The following BRD9 variants were observed in gnomAD, a reference collection of about 807,000 sequenced individuals.
BRD9 encodes the protein bromodomain containing 9, also known as bromodomain-containing protein 9.
Under a neutral mutation model 68.7 loss-of-function variants are expected in BRD9, and 47 were observed. The observed-to-expected ratio is 0.68, with a 90% CI of 0.54 to 0.87. The LOEUF is 0.87. Among genes scored for constraint, BRD9 ranks in the 40% least tolerant of loss-of-function variants. The pLI, the probability that BRD9 is intolerant of heterozygous loss-of-function variation, is 0.00. For synonymous variants in BRD9, 313 were observed against 293.9 expected, an observed-to-expected ratio of 1.06 and a Z score of -0.67; for missense variants, 670 against 748.4, an observed-to-expected ratio of 0.90 and a Z score of 1.22.
Position 864,585 on chromosome 5 carries a change from A to G in BRD9, c.1694-17T>C, listed in dbSNP as rs1749061733. The G allele has an allele frequency of 6.2e-7, 1 of 1,609,830 alleles. No individual in the cohort carries two copies. Among genetic ancestry groups the G allele is most frequent in the Non-Finnish European group, 8.5e-7 (1 of 1,176,656 alleles). The stretch of plus-strand genomic sequence containing the variant: ...AAGGGCTTCCTGCAATTTTCAGAAC[A>G]CAGGACTTCAACACACAGGACAGAC... On this transcript the variant is annotated splice_polypyrimidine_tract_variant and intron_variant, in intron 15 of 15. Coordinates refer to ENST00000467963, the MANE Select transcript of BRD9 (RefSeq NM_023924.5).
chr5:870,264 A>T, intron 14 of BRD9: 1 of 546,598 alleles, frequency 1.8e-6, no homozygotes. Context: ...ACCACTTCTC[A>T]TTAGCTTAAA....
At chr5:877,334 T>C (rs906744480) in intron 11 of BRD9, among the ~76,000 whole-genome samples, 5 of 152,240 alleles carry the variant, frequency 3.3e-5, no homozygotes, top group Admixed American at 6.5e-5. Context: ...TTCTGACTTA[T>C]GACCCCATCG....
At chr5:873,180 A>G (rs945403673) in intron 12 of BRD9, among the ~76,000 whole-genome samples, 2 of 152,294 alleles carry the variant, frequency 1.3e-5, no homozygotes, top group African/African-American at 4.8e-5. Context: ...AAGAAAAAAA[A>G]AGAAAGAAAG....
chr5:871,176 A>G (rs1158289519), intron 13 of BRD9, among the ~76,000 whole-genome samples: 1 of 152,196 alleles, frequency 6.6e-6, no homozygotes. Context: ...CCCTGCCAGC[A>G]CTGGCCCCAG....
Position 891,988 on chromosome 5 carries a change from C to A in BRD9, c.53-134G>T, listed in dbSNP as rs1580029936. 7 of 1,393,756 alleles carry A rather than the reference C, an allele frequency of 5.0e-6. No individual in the cohort carries two copies. Among genetic ancestry groups the A allele is most frequent in the Non-Finnish European group, 6.6e-6 (7 of 1,056,174 alleles). The allele number at this position is 1,393,756 out of a possible 1,614,324, so 86.3% of individuals were successfully genotyped here. ...GGGGCTGCCAACCAGCAGGGAAAGA[C>A]GGAAGGGAAGACCACAGTGGCGGCA... On this transcript the variant is annotated intron_variant, in intron 1 of 15. Transcript: ENST00000467963.
At chr5:873,107 G>A (rs57969603) in intron 12 of BRD9, among the ~76,000 whole-genome samples, 5,734 of 152,268 alleles carry the variant, frequency 0.038, 342 homozygotes, top group African/African-American at 0.13. Context: ...AGAGGTTGCA[G>A]TGAGCCACAA....
In BRD9 at chr5:865,533, T is replaced by G. The variant is rs773518762; in HGVS notation, c.1574A>C (p.Asp525Ala). 6.2e-7 allele frequency: 1 copy of G among 1,606,454 alleles called. No individual in the cohort carries two copies. The highest frequency in any genetic ancestry group is 8.5e-7 in the Non-Finnish European group (1 of 1,178,826). Residue 525 changes from aspartate to alanine, a missense_variant, in exon 15 of 16, where the codon GAT (aspartate) becomes GCT (alanine). Transcript: ENST00000467963. The part of the protein sequence containing the change: ...LDPDDSHLNL[D>A]ETTKLLQDLH... Reference sequence around the variant, plus strand: ...GTCCTGCAGGAGCTTCGTCGTCTCATCCAAGTTCAAATGGCTGTCGTCAGG... The same window carrying G: ...GTCCTGCAGGAGCTTCGTCGTCTCAGCCAAGTTCAAATGGCTGTCGTCAGG...
intron 9 of BRD9, among the ~76,000 whole-genome samples, chr5:880,715 C>A (rs999111660): frequency 4.6e-5 from 7 of 152,120 alleles, no homozygotes; most frequent in African/African-American, 1.7e-4. Context: ...CATCATCTAA[C>A]AGCTCTTCTA....
At chr5:874,581 A>T (rs1453727292) in intron 12 of BRD9, among the ~76,000 whole-genome samples, 1 of 152,252 alleles carries the variant, frequency 6.6e-6, no homozygotes, top group Non-Finnish European at 1.5e-5. Flanking sequence ...AGTGTCAAAC[A>T]GAAACAGAAC....
chr5:891,229 T>A lies in BRD9; in HGVS notation c.326A>T (p.Asp109Val). The A allele has an allele frequency of 2.6e-6, 4 of 1,551,814 alleles. No homozygotes were observed. Among genetic ancestry groups the A allele is most frequent in the Admixed American group, 2.0e-5 (1 of 50,996 alleles). The change falls in exon 3 of 16, where the codon GAC becomes GTC. Residue 109 changes from aspartate to valine, a missense_variant. Coordinates refer to ENST00000467963, the MANE Select transcript of BRD9 (RefSeq NM_023924.5). ...EHCDTEGEAD[D>V]FDPGKKVEVE... ...CTCCACCTTCTTCCCAGGATCAAAG[T>A]CGTCAGCCTCTCCCTCCGTGTCACA... is the stretch of plus-strand genomic sequence containing the variant.
Position 878,343 on chromosome 5 carries a change from G to A in BRD9, c.1271+12C>T. On this transcript the variant is annotated intron_variant, in intron 11 of 15. Coordinates refer to ENST00000467963, the MANE Select transcript of BRD9 (RefSeq NM_023924.5). The stretch of plus-strand genomic sequence containing the variant: ...GCACAGCAGCCAAGGGCTCCCCGGG[G>A]CCGACACTTGCCTCAGCGCACACTG... The A allele has an allele frequency of 1.2e-6, 2 of 1,613,000 alleles. No individual in the cohort carries two copies. Among genetic ancestry groups the A allele is most frequent in the South Asian group, 1.1e-5 (1 of 91,086 alleles).
rs73733976 is a variant in BRD9 at position 887,418 on chromosome 5, G to A, written c.660C>T (p.Thr220=). The A allele has an allele frequency of 7.8e-5, 126 of 1,614,056 alleles. No individual in the cohort carries two copies. The South Asian group carries it at 1.3e-3, about 16-fold the overall frequency. The change falls in exon 6 of 16, where the codon ACC becomes ACT. Residue 220 remains threonine (T), a synonymous_variant. Transcript: ENST00000467963. The part of the protein sequence containing the change: ...DNAMTYNRPD[T]VYYKLAKKIL... ...TCTTCTTCGCCAACTTGTAGTACAC[G>A]GTATCTGGCCTATTGTATGTCATTG...
chr5:883,989 G>A lies in BRD9; in HGVS notation c.915C>T (p.His305=), dbSNP rs1041410631. The A allele has an allele frequency of 2.8e-5, 45 of 1,613,668 alleles. No homozygotes were observed. The highest frequency in any genetic ancestry group is 2.5e-4 in the Admixed American group (15 of 60,022). ...AEEHVLALVE[H]AADEARDRIN... ...TCCTGTCCCGAGCTTCGTCAGCTGC[G>A]TGCTCCACCAGCGCCAGCACGTGCT... Residue 305 remains histidine, a synonymous_variant, in exon 8 of 16, where the codon CAC becomes CAT. Transcript: ENST00000467963.
rs1560886326 is a variant in BRD9 at position 864,397 on chromosome 5, G to C, written c.*71C>G. On this transcript the variant is annotated 3_prime_UTR_variant, in exon 16 of 16. Coordinates refer to ENST00000467963, the MANE Select transcript of BRD9 (RefSeq NM_023924.5). ...GGGGACAGGATCAAAGTCCTTGTCT[G>C]ATGACAAAAACTCTACACGTGCAAA... The C allele has an allele frequency of 7.6e-7, 1 of 1,319,922 alleles. No homozygotes were observed. The highest frequency in any genetic ancestry group is 2.3e-5 in the Admixed American group (1 of 43,780). 81.8% of individuals were successfully genotyped at this position (1,319,922 alleles called of 1,614,324 possible).
At chr5:883,892 G>C (rs765997854) in intron 8 of BRD9, 46 bp downstream of exon 8, 8 of 1,595,702 alleles carry the variant, frequency 5.0e-6, no homozygotes, top group Non-Finnish European at 5.1e-6. Flanking sequence ...CACACAGAGA[G>C]TCTGGGGCCA....
At chr5:869,584 T>C (rs1284096397) in intron 14 of BRD9, among the ~76,000 whole-genome samples, 2 of 152,328 alleles carry the variant, frequency 1.3e-5, no homozygotes, top group South Asian at 2.1e-4. Flanking sequence ...TGAGTGATGT[T>C]TGCCATCTAC....
chr5:883,283 A>G (rs1333527210), intron 8 of BRD9: 4 of 454,696 alleles, frequency 8.8e-6, no homozygotes, highest in South Asian at 4.7e-5. Context: ...AACGTTTTCT[A>G]CAGACTACAT....
chr5:889,913 A>G (rs1753110331), intron 3 of BRD9: 2 of 507,808 alleles, frequency 3.9e-6, no homozygotes, highest in Admixed American at 2.7e-5. Flanking sequence ...TCACTTAGCA[A>G]TGTTTTCAGC....
At position 892,276 on chromosome 5, in the gene BRD9, G is replaced by A. The variant is rs559999041; in HGVS notation, c.52+330C>T. ...CTGCTGCGGGAGCAAGGGAGAGGGA[G>A]GGAAAGGCGGGAGAAAGGGCAGCCC... is the stretch of plus-strand genomic sequence containing the variant. On this transcript the variant is annotated intron_variant, in intron 1 of 15. Transcript: ENST00000467963. The A allele has an allele frequency of 1.7e-4, 81 of 487,192 alleles. 1 individual carries two copies. The highest frequency in any genetic ancestry group is 1.3e-3 in the African/African-American group (63 of 49,468). 30.2% of individuals were successfully genotyped at this position (487,192 alleles called of 1,614,324 possible).
Sources: gnomAD v4.1 joint callset for allele counts (sites outside exome capture counted in the v4.1 genomes callset) on GRCh38, gnomAD v4.1.1 for gene constraint, MANE v1.5 for transcripts, NCBI Gene and HGNC (gene_info 2026-07-23, HGNC 2026-07-21) for gene names.